Variants in ERCC3 observed in about 807,000 individuals in gnomAD.
ERCC3 encodes the protein ERCC excision repair 3, TFIIH core complex helicase subunit.
Under a neutral mutation model 94.2 loss-of-function variants are expected in ERCC3, and 66 were observed. The ratio of observed to expected loss-of-function variants is 0.70; its 90% CI spans 0.57 to 0.86. The LOEUF (loss-of-function observed/expected upper bound fraction) is 0.86. ERCC3 is among the 40% of genes least tolerant of loss of function. The pLI, the probability that ERCC3 is intolerant of heterozygous loss-of-function variation, is 0.00. For missense variants in ERCC3, 829 were observed against 987.1 expected (o/e 0.84, Z 2.15); for synonymous variants, 349 against 369.1 (o/e 0.95, Z 0.63).
chr2:127,293,445 A>C (rs1436571436), intron 2 of ERCC3, 68 bp downstream of exon 2: 7 of 1,416,380 alleles, frequency 4.9e-6, no homozygotes, highest in African/African-American at 1.4e-5. Context: ...TTTGACTCTG[A>C]GGATGCCCAA....
At position 127,264,487 on chromosome 2, in the gene ERCC3, T is replaced by C. The variant is rs1171200728; in HGVS notation, c.1946-3141A>G. ...GCCTCAAAAAAACAAAAAACCTTTT[T>C]CTGTGTCTATTAGGATAATTATATG... On this transcript the variant is annotated intron_variant, in intron 12 of 14. Coordinates refer to ENST00000285398, the MANE Select transcript of ERCC3 (RefSeq NM_000122.2). This position sits in a 1 kb window ranked among gnomAD's most constrained non-coding sequence, Gnocchi z 4.4. Among the ~76,000 whole-genome samples the C allele has an allele frequency of 1.3e-5, 2 of 152,322 alleles. No individual in the cohort carries two copies. The highest frequency in any genetic ancestry group is 3.9e-4 in the East Asian group (2 of 5,186).
rs543108913 is a variant in ERCC3 at position 127,271,690 on chromosome 2, C to G, written c.1828-237G>C. Among the ~76,000 whole-genome samples the G allele has an allele frequency of 6.6e-6, 1 of 152,234 alleles. No homozygotes were observed. The highest frequency in any genetic ancestry group is 2.1e-4 in the South Asian group (1 of 4,820). The stretch of plus-strand genomic sequence containing the variant: ...AAGAGTCATCCTGAAGAATTAATAC[C>G]AGGCATCAGTGACATTCAGTGCTGG... On this transcript the variant is annotated intron_variant, in intron 11 of 14. Transcript: ENST00000285398. This position sits in a 1 kb window ranked among gnomAD's most constrained non-coding sequence, Gnocchi z 5.0.
intron 7 of ERCC3, among the ~76,000 whole-genome samples, chr2:127,287,321 A>C (rs1313687221): frequency 6.6e-6 from 1 of 152,114 alleles, no homozygotes; most frequent in African/African-American, 2.4e-5. Context: ...TGTTATTGTT[A>C]TTTTAAAGAT....
chr2:127,283,509 T>C (rs1372457285), intron 8 of ERCC3, among the ~76,000 whole-genome samples: 1 of 152,228 alleles, frequency 6.6e-6, no homozygotes, highest in East Asian at 1.9e-4. Flanking sequence ...CACCTGGGTT[T>C]TGGATATTAT....
rs146294686 is a variant in ERCC3, at chr2:127,258,830, G to A, written c.2217+466C>T. 1.5e-3 allele frequency among the ~76,000 whole-genome samples: 232 copies of A among 152,296 alleles called. 2 individuals carry two copies. The highest frequency in any genetic ancestry group is 5.3e-3 in the African/African-American group (220 of 41,564). ...ACATTTTTCAAAGTTAAGTATCGAA[G>A]CTACCACAAGAGTTGATCCTCAGAG... On this transcript the variant is annotated intron_variant, in intron 14 of 14. Coordinates refer to ENST00000285398, the MANE Select transcript of ERCC3 (RefSeq NM_000122.2). The surrounding 1 kb of genome is among the most constrained non-coding windows in gnomAD (Gnocchi z 4.1).
intron 4 of ERCC3, 95 bp downstream of exon 4, chr2:127,290,129 A>G: frequency 9.7e-7 from 1 of 1,026,240 alleles, no homozygotes; most frequent in Non-Finnish European, 1.6e-6. Context: ...CAGAAAAGAC[A>G]GCATAAACAT....
At chr2:127,289,301 C>T (rs778161718) in intron 6 of ERCC3, 36 bp downstream of exon 6, 2 of 1,597,192 alleles carry the variant, frequency 1.3e-6, no homozygotes, top group South Asian at 1.1e-5. Context: ...AACAGCAGCT[C>T]AGTGAAGGAA....
rs1684282308 is a variant in ERCC3, at chr2:127,264,135, G to A, written c.1946-2789C>T. Among the ~76,000 whole-genome samples the A allele has an allele frequency of 1.3e-5, 2 of 152,108 alleles. No homozygotes were observed. Among genetic ancestry groups the A allele is most frequent in the Admixed American group, 6.5e-5 (1 of 15,274 alleles). On this transcript the variant is annotated intron_variant, in intron 12 of 14. Coordinates refer to ENST00000285398, the MANE Select transcript of ERCC3 (RefSeq NM_000122.2). The surrounding 1 kb of genome is among the most constrained non-coding windows in gnomAD (Gnocchi z 4.4). The stretch of plus-strand genomic sequence containing the variant: ...TGTTCCTTCGATGCCATTTGTTGAG[G>A]GTTTTTATCATGAAGGAATGTTGAA...
chr2:127,271,000 C>G (rs184018966), intron 12 of ERCC3, among the ~76,000 whole-genome samples: 203 of 152,362 alleles, frequency 1.3e-3, no homozygotes, highest in African/African-American at 4.7e-3. Context: ...TCCACTTACA[C>G]TGGTGGCCCA....
Position 127,293,672 on chromosome 2 carries a change from A to ATCATCCTCT in ERCC3, c.66_74dup (p.Glu22_Asp24dup). The ATCATCCTCT allele has an allele frequency of 6.2e-7, 1 of 1,613,916 alleles. No individual in the cohort carries two copies. The highest frequency in any genetic ancestry group is 8.5e-7 in the Non-Finnish European group (1 of 1,180,002). On this transcript the variant is annotated inframe_insertion, in exon 2 of 15. Transcript: ENST00000285398. Reference sequence around the variant, plus strand: ...GGTCGTTCCCCGGGGCGTCCTCTTCATCATCCTCTTCATCCTCATAGTGCC... The same window carrying ATCATCCTCT: ...GGTCGTTCCCCGGGGCGTCCTCTTCATCATCCTCTTCATCCTCTTCATCCTCATAGTGCC...
chr2:127,269,512 C>T (rs1028601863), intron 12 of ERCC3, among the ~76,000 whole-genome samples: 3 of 149,926 alleles, frequency 2.0e-5, no homozygotes, highest in Non-Finnish European at 4.4e-5. Context: ...AGCTCTGCCT[C>T]CCGGGTTCAC....
rs374262917 is a variant in ERCC3, at chr2:127,259,424, C to T, written c.2089G>A (p.Glu697Lys). ...GTCGAAAACGCCAAGTCTTCCTCCT[C>T]CATGCCAGCGAGTTTCGTGATCACC... ...FKVITKLAGM[E>K]EEDLAFSTKE... is the part of the protein sequence containing the mutation. Residue 697 changes from glutamate to lysine, a missense_variant, in exon 14 of 15, where the codon GAG becomes AAG. Coordinates refer to ENST00000285398, the MANE Select transcript of ERCC3 (RefSeq NM_000122.2). This position sits in a 1 kb window ranked among gnomAD's most constrained non-coding sequence, Gnocchi z 4.9. The T allele has an allele frequency of 9.3e-6, 15 of 1,614,094 alleles. No individual in the cohort carries two copies. The highest frequency in any genetic ancestry group is 1.2e-5 in the Non-Finnish European group (14 of 1,180,030).
At position 127,291,677 on chromosome 2, in the gene ERCC3, C is replaced by T. The variant is rs1184460949; in HGVS notation, c.471+933G>A. 1.3e-5 allele frequency among the ~76,000 whole-genome samples: 2 copies of T among 152,190 alleles called. No individual in the cohort carries two copies. The highest frequency in any genetic ancestry group is 2.9e-5 in the Non-Finnish European group (2 of 68,024). Reference sequence around the variant, plus strand: ...TGGCACTCTTCTGCCACTCCAGATCCCAAGGTCTGAATCTGACTCCTTTTG... The same window carrying T: ...TGGCACTCTTCTGCCACTCCAGATCTCAAGGTCTGAATCTGACTCCTTTTG... On this transcript the variant is annotated intron_variant, in intron 3 of 14. Transcript: ENST00000285398. The surrounding 1 kb of genome is among the most constrained non-coding windows in gnomAD (Gnocchi z 4.9).
chr2:127,280,085 T>G lies in ERCC3; in HGVS notation c.1527+362A>C, dbSNP rs1258813381. 2.0e-5 allele frequency among the ~76,000 whole-genome samples: 3 copies of G among 152,190 alleles called. No individual in the cohort carries two copies. The highest frequency in any genetic ancestry group is 4.4e-5 in the Non-Finnish European group (3 of 68,042). On this transcript the variant is annotated intron_variant, in intron 9 of 14. Transcript: ENST00000285398. The surrounding 1 kb of genome is among the most constrained non-coding windows in gnomAD (Gnocchi z 6.3). Reference sequence around the variant, plus strand: ...AGCATATCAGTTAGGCGCTTGGGGCTATCAGAGCAAAGCCCTTTGCTGCCA... The same window carrying G: ...AGCATATCAGTTAGGCGCTTGGGGCGATCAGAGCAAAGCCCTTTGCTGCCA...
Position 127,286,718 on chromosome 2 carries a change from C to T in ERCC3, c.1327G>A (p.Val443Met). Residue 443 changes from valine to methionine, a missense_variant, in exon 8 of 15, where the codon GTG becomes ATG. Coordinates refer to ENST00000285398, the MANE Select transcript of ERCC3 (RefSeq NM_000122.2). The stretch of plus-strand genomic sequence containing the variant: ...GCCTGCTTACCTGGTATGGTGTGCA[C>T]TTCATCCAGGATCATGAGGCCCCAC... ...QEWGLMILDEVHTIPAKMFRR... is the reference protein window; with the variant it reads ...QEWGLMILDEMHTIPAKMFRR... 2 of 1,614,058 alleles carry T rather than the reference C, an allele frequency of 1.2e-6. No homozygotes were observed. Among genetic ancestry groups the T allele is most frequent in the Non-Finnish European group, 8.5e-7 (1 of 1,180,002 alleles).
chr2:127,263,270 T>C (rs1684251202), intron 12 of ERCC3, among the ~76,000 whole-genome samples: 1 of 152,252 alleles, frequency 6.6e-6, no homozygotes, highest in African/African-American at 2.4e-5. Flanking sequence ...TTTAATGATA[T>C]TGCTTCTTCC....
intron 12 of ERCC3, chr2:127,262,992 C>A (rs1346911542): frequency 6.6e-6 from 1 of 152,154 alleles, no homozygotes; most frequent in East Asian, 1.9e-4. Context: ...TATTTCTGAG[C>A]TCTCTATTCT....
At chr2:127,263,391 A>G (rs1192174443) in intron 12 of ERCC3, among the ~76,000 whole-genome samples, 1 of 152,130 alleles carries the variant, frequency 6.6e-6, no homozygotes, top group African/African-American at 2.4e-5. Flanking sequence ...AGCTATTATA[A>G]ATTGGATTGT....
rs2104770959 is a variant in ERCC3 at position 127,286,797 on chromosome 2, G to A, written c.1248C>T (p.Thr416=). Residue 416 remains threonine, a synonymous_variant, in exon 8 of 15, where the codon ACC becomes ACT. Transcript: ENST00000285398. ...AISTYSMLGH[T]TKRSWEAERV... ...GCTCGGCCTCCCAGGACCTTTTGGT[G>A]GTGTGGCCCAGCATGGAGTAGGTGC... 1 of 1,614,166 alleles carries A rather than the reference G, an allele frequency of 6.2e-7. No individual in the cohort carries two copies. Among genetic ancestry groups the A allele is most frequent in the Middle Eastern group, 1.6e-4 (1 of 6,062 alleles).
Sources: gnomAD v4.1 joint callset for allele counts (sites outside exome capture counted in the v4.1 genomes callset) on GRCh38, gnomAD v4.1.1 for gene constraint, Gnocchi (gnomAD v3.1) non-coding constraint, MANE v1.5 for transcripts, NCBI Gene and HGNC (gene_info 2026-07-23, HGNC 2026-07-21) for gene names.